The following PVT1 variants were observed in gnomAD, a reference collection of about 807,000 sequenced individuals.
PVT1 encodes the protein Pvt1 oncogene.
At chr8:128,015,915 G>A (rs111953562) in intron 4 of PVT1, among the ~76,000 whole-genome samples, 7 of 152,154 alleles carry the variant, frequency 4.6e-5, no homozygotes, top group African/African-American at 7.2e-5. Context: ...AACTGGCAGC[G>A]GAGATGAAGG....
intron 2 of PVT1, among the ~76,000 whole-genome samples, chr8:127,868,782 T>TATATATACGTATATATATATGTATATAC (rs1815314888): frequency 3.1e-4 from 19 of 60,656 alleles, no homozygotes; most frequent in Admixed American, 7.9e-4. Flanking sequence ...TATATATATA[T>TATATATACGTATATATATATGTATATAC]ATATATATAT....
intron 2 of PVT1, among the ~76,000 whole-genome samples, chr8:127,836,832 C>A (rs928611817): frequency 2.0e-5 from 3 of 152,128 alleles, no homozygotes; most frequent in Non-Finnish European, 2.9e-5. Flanking sequence ...GCTTCAGAGT[C>A]CACACGCTTG....
At chr8:128,013,991 A>G (rs1055052973) in intron 4 of PVT1, among the ~76,000 whole-genome samples, 5 of 152,248 alleles carry the variant, frequency 3.3e-5, no homozygotes, top group South Asian at 4.1e-4. Flanking sequence ...ATAGACACGT[A>G]TATGAGGATA....
At chr8:127,827,971 A>AT (rs34775582) in intron 2 of PVT1, among the ~76,000 whole-genome samples, 2 of 151,882 alleles carry the variant, frequency 1.3e-5, no homozygotes, top group Non-Finnish European at 2.9e-5. Flanking sequence ...CAATGTGAGC[A>AT]TTTTTTTCTA....
intron 3 of PVT1, among the ~76,000 whole-genome samples, chr8:127,914,021 C>T (rs192400195): frequency 5.9e-5 from 9 of 152,128 alleles, no homozygotes; most frequent in Non-Finnish European, 8.8e-5. Flanking sequence ...AGGCAGCATA[C>T]GAGTTTGCTA....
rs528723230 is a variant in PVT1, at chr8:127,800,450, C to T, written n.372+4379C>T. On this transcript the variant is annotated intron_variant and non_coding_transcript_variant, in intron 2 of 10. Coordinates refer to ENST00000651587, the Ensembl canonical transcript of PVT1. ...GAGGCAGTGCAGGCAAAAGCTAACT[C>T]CTGTGCAAAGTCTCCCCGGCCCCAC... is the stretch of plus-strand genomic sequence containing the variant. 6.6e-5 allele frequency among the ~76,000 whole-genome samples: 10 copies of T among 152,236 alleles called. No homozygotes were observed. The South Asian group carries it at 2.1e-3, about 32-fold the overall frequency.
At chr8:128,090,486 G>A (rs530381123) in intron 5 of PVT1, among the ~76,000 whole-genome samples, 9 of 152,262 alleles carry the variant, frequency 5.9e-5, no homozygotes, top group East Asian at 1.9e-4. Context: ...CTCAGAGAAC[G>A]TGTTTCTTAG....
intron 3 of PVT1, among the ~76,000 whole-genome samples, chr8:127,956,761 G>A (rs59495609): frequency 0.017 from 2,600 of 152,348 alleles, 74 homozygotes; most frequent in African/African-American, 0.058. Flanking sequence ...GGGATTACAG[G>A]CGTGAGCCAC....
At chr8:127,924,339 G>T (rs1035818356) in intron 3 of PVT1, among the ~76,000 whole-genome samples, 2 of 151,784 alleles carry the variant, frequency 1.3e-5, no homozygotes, top group African/African-American at 2.4e-5. Context: ...AATTTTTTTT[G>T]TTTGTTTGTT....
At chr8:127,841,548 A>G (rs1814974983) in intron 2 of PVT1, among the ~76,000 whole-genome samples, 1 of 152,144 alleles carries the variant, frequency 6.6e-6, no homozygotes, top group African/African-American at 2.4e-5. Flanking sequence ...GGCGTGAGCC[A>G]CCACATGTGG....
intron 2 of PVT1, among the ~76,000 whole-genome samples, chr8:127,817,417 A>AAT (rs1359526677): frequency 4.7e-5 from 5 of 105,796 alleles, no homozygotes; most frequent in East Asian, 2.2e-4. Flanking sequence ...TATATATTTA[A>AAT]ATAGATATAT....
chr8:128,074,855 G>A (rs1358674253), intron 5 of PVT1, among the ~76,000 whole-genome samples: 1 of 152,178 alleles, frequency 6.6e-6, no homozygotes, highest in Non-Finnish European at 1.5e-5. Context: ...CTTCCCATGA[G>A]TTATTTTTAG....
At chr8:127,942,188 G>A (rs1019765926) in intron 3 of PVT1, among the ~76,000 whole-genome samples, 2 of 152,218 alleles carry the variant, frequency 1.3e-5, no homozygotes, top group Admixed American at 6.5e-5. Context: ...CAGTTGGGAA[G>A]TGTCATCCCC....
chr8:127,948,994 A>T (rs958520092), intron 3 of PVT1, among the ~76,000 whole-genome samples: 5 of 152,202 alleles, frequency 3.3e-5, no homozygotes, highest in Admixed American at 6.5e-5. Flanking sequence ...GCCGACTTTC[A>T]TCGGAGGCTC....
chr8:127,973,935 G>A (rs372657457), intron 3 of PVT1, among the ~76,000 whole-genome samples: 1 of 150,994 alleles, frequency 6.6e-6, no homozygotes, highest in Non-Finnish European at 1.5e-5. Context: ...AGCCGAGATC[G>A]CACCACTGCA....
chr8:128,069,065 C>G (rs1813949203), intron 4 of PVT1, among the ~76,000 whole-genome samples: 1 of 152,122 alleles, frequency 6.6e-6, no homozygotes, highest in Non-Finnish European at 1.5e-5. Flanking sequence ...GGAATCTTTC[C>G]CAGACATCTG....
chr8:128,067,687 A>G (rs1225372251), intron 4 of PVT1, among the ~76,000 whole-genome samples: 1 of 152,008 alleles, frequency 6.6e-6, no homozygotes, highest in African/African-American at 2.4e-5. Flanking sequence ...GGAGATCCCA[A>G]CCCAGGCCTG....
intron 3 of PVT1, among the ~76,000 whole-genome samples, chr8:127,930,628 A>G (rs1816194759): frequency 1.3e-5 from 2 of 152,136 alleles, no homozygotes; most frequent in Admixed American, 6.5e-5. Flanking sequence ...GTTGTTGTGA[A>G]TAGGAATGTA....
At chr8:127,795,483 A>G (rs1447416210) in intron 1 of PVT1, among the ~76,000 whole-genome samples, 2 of 152,126 alleles carry the variant, frequency 1.3e-5, no homozygotes, top group Non-Finnish European at 2.9e-5. Context: ...CCCTTCTAGA[A>G]CATTAGAGAG....
Sources: gnomAD v4.1 joint callset for allele counts (sites outside exome capture counted in the v4.1 genomes callset) on GRCh38, gnomAD v4.1.1 for gene constraint, MANE v1.5 for transcripts, NCBI Gene and HGNC (gene_info 2026-07-23, HGNC 2026-07-21) for gene names.